The following NXPE2 variants were observed in gnomAD, a reference collection of about 807,000 sequenced individuals.
The protein encoded by NXPE2 is NXPE family member 2.
NXPE2 carries 34 observed loss-of-function variants against 34.4 expected under a neutral mutation model. The observed-to-expected ratio is 0.99, with a 90% confidence interval of 0.75 to 1.31. The LOEUF is 1.31. Among genes scored for constraint, NXPE2 ranks in the 40% most tolerant of loss-of-function variants. The pLI is 0.00. For synonymous variants in NXPE2, 235 were observed against 231.3 expected (o/e 1.02, Z -0.15); for missense variants, 649 against 672.5 (o/e 0.97, Z 0.39).
At chr11:114,768,733 C>T in the NXPE2 span, among the ~76,000 whole-genome samples, 1 of 152,098 alleles carries the variant, frequency 6.6e-6, no homozygotes, top group Non-Finnish European at 1.5e-5. Flanking sequence ...TATAGCAATG[C>T]TTGTGATTTT....
chr11:114,711,700 A>G (rs1432983520), downstream of NXPE2, among the ~76,000 whole-genome samples: 3 of 152,190 alleles, frequency 2.0e-5, no homozygotes, highest in Admixed American at 2.0e-4. Flanking sequence ...CTACAGCTCC[A>G]GTGCAATCTC....
chr11:114,652,832 G>C, the NXPE2 span, among the ~76,000 whole-genome samples: 1 of 152,196 alleles, frequency 6.6e-6, no homozygotes, highest in Non-Finnish European at 1.5e-5. Context: ...TTTATAAAAG[G>C]CAGCGCATTC....
chr11:114,504,457 C>T, the NXPE2 span, among the ~76,000 whole-genome samples: 1 of 152,180 alleles, frequency 6.6e-6, no homozygotes, highest in Admixed American at 6.5e-5. Context: ...GCCTCTATCG[C>T]TGTGGTGAAC....
chr11:114,572,784 A>G, the NXPE2 span, among the ~76,000 whole-genome samples: 3 of 152,208 alleles, frequency 2.0e-5, no homozygotes, highest in African/African-American at 7.2e-5. Flanking sequence ...TCTGGAAAAC[A>G]TATTTGAGGG....
chr11:114,647,436 T>C, the NXPE2 span, among the ~76,000 whole-genome samples: 1 of 152,196 alleles, frequency 6.6e-6, no homozygotes, highest in South Asian at 2.1e-4. Flanking sequence ...TATCTAAATC[T>C]ATCTAGTGCT....
the NXPE2 span, among the ~76,000 whole-genome samples, chr11:114,718,662 G>C: frequency 6.6e-6 from 1 of 152,112 alleles, no homozygotes; most frequent in Non-Finnish European, 1.5e-5. Flanking sequence ...GAAACTCCAG[G>C]GGGCTCCCAG....
chr11:114,590,887 C>T, the NXPE2 span, among the ~76,000 whole-genome samples: 358 of 152,264 alleles, frequency 2.4e-3, 8 homozygotes, highest in East Asian at 0.06. Flanking sequence ...GCTAACAGTC[C>T]GTTGGCTCCT....
chr11:114,615,613 A>T, the NXPE2 span, among the ~76,000 whole-genome samples: 8 of 149,162 alleles, frequency 5.4e-5, no homozygotes, highest in South Asian at 1.7e-3. Context: ...ATGGGTAACC[A>T]CTGGTACCTG....
chr11:114,774,964 C>T, the NXPE2 span, among the ~76,000 whole-genome samples: 2 of 152,204 alleles, frequency 1.3e-5, no homozygotes, highest in Non-Finnish European at 2.9e-5. Context: ...ATCAATTTTT[C>T]CAGATGCCTT....
At chr11:114,804,239 T>C in the NXPE2 span, among the ~76,000 whole-genome samples, 1 of 152,216 alleles carries the variant, frequency 6.6e-6, no homozygotes, top group Non-Finnish European at 1.5e-5. Context: ...CTGCTCCCTA[T>C]TCCCATAGTC....
chr11:114,708,592 C>T (rs987896269), downstream of NXPE2, among the ~76,000 whole-genome samples: 29 of 150,226 alleles, frequency 1.9e-4, no homozygotes, highest in African/African-American at 6.4e-4. Flanking sequence ...ATTGCACCAC[C>T]ACACTCCAGC....
At chr11:114,471,285 C>G in the NXPE2 span, among the ~76,000 whole-genome samples, 1 of 151,722 alleles carries the variant, frequency 6.6e-6, no homozygotes, top group Non-Finnish European at 1.5e-5. Context: ...GGTCTATAAT[C>G]TATTTTGAGT....
chr11:114,480,233 C>G, the NXPE2 span, among the ~76,000 whole-genome samples: 1 of 97,246 alleles, frequency 1.0e-5, no homozygotes, highest in Non-Finnish European at 2.0e-5. Context: ...AGAGCAATGT[C>G]AGACTGTTTT....
chr11:114,489,441 T>G, the NXPE2 span, among the ~76,000 whole-genome samples: 1 of 152,204 alleles, frequency 6.6e-6, no homozygotes, highest in South Asian at 2.1e-4. Context: ...TGATGAACAT[T>G]GATGCAAAAA....
At chr11:114,708,627 C>T (rs979700387), downstream of NXPE2, among the ~76,000 whole-genome samples, 2 of 130,688 alleles carry the variant, frequency 1.5e-5, no homozygotes, top group African/African-American at 6.0e-5. Context: ...GAGACTCCAT[C>T]TCAAAAAAAA....
chr11:114,562,659 C>A, the NXPE2 span, among the ~76,000 whole-genome samples: 1 of 152,136 alleles, frequency 6.6e-6, no homozygotes, highest in South Asian at 2.1e-4. Flanking sequence ...GTCAAGTTGA[C>A]TTTACAGAAG....
chr11:114,629,298 A>G, the NXPE2 span, among the ~76,000 whole-genome samples: 1 of 152,128 alleles, frequency 6.6e-6, no homozygotes, highest in Non-Finnish European at 1.5e-5. Flanking sequence ...GGAATCCAGC[A>G]GCACATCAAA....
the NXPE2 span, among the ~76,000 whole-genome samples, chr11:114,546,763 T>C: frequency 3.1e-4 from 47 of 152,226 alleles, no homozygotes; most frequent in African/African-American, 1.1e-3. Context: ...GGGCAGGGAA[T>C]ATACAAGATG....
At chr11:114,640,510 A>G in the NXPE2 span, among the ~76,000 whole-genome samples, 1 of 151,672 alleles carries the variant, frequency 6.6e-6, no homozygotes, top group Non-Finnish European at 1.5e-5. Context: ...AGATCTAATT[A>G]TAGTTCTTTG....
Sources: allele counts gnomAD v4.1 joint callset (sites outside exome capture counted in the v4.1 genomes callset), GRCh38; gene constraint gnomAD v4.1.1; transcripts MANE v1.5; gene names NCBI Gene and HGNC (gene_info 2026-07-23, HGNC 2026-07-21).